OPRM1: variants seen among roughly 807,000 people sequenced by gnomAD.
OPRM1 encodes the protein opioid receptor mu 1.
In OPRM1, 27 loss-of-function variants were observed where a neutral mutation model predicts 31.8. The ratio of observed to expected loss-of-function variants is 0.85; its 90% confidence interval spans 0.63 to 1.17. The LOEUF is 1.17. Among genes scored for constraint, OPRM1 ranks in the 50% most tolerant of loss-of-function variants. The pLI is 0.00. For synonymous variants in OPRM1, 196 were observed against 189.9 expected (o/e 1.03, Z -0.26); for missense variants, 536 against 511.1 (o/e 1.05, Z -0.47).
chr6:154,202,332 C>T (rs1331722463), intron 3 of OPRM1, among the ~76,000 whole-genome samples: 2 of 152,080 alleles, frequency 1.3e-5, no homozygotes, highest in Non-Finnish European at 2.9e-5. Flanking sequence ...ACCAAGAGAT[C>T]AAAGACCTAT....
chr6:154,107,882 C>A (rs1795833326), intron 3 of OPRM1: 1 of 678,380 alleles, frequency 1.5e-6, no homozygotes, highest in Non-Finnish European at 2.7e-6. Flanking sequence ...ACAAAATACA[C>A]CAGCTTAAAA....
chr6:154,065,855 G>C (rs1195647150), intron 1 of OPRM1, among the ~76,000 whole-genome samples: 2 of 152,008 alleles, frequency 1.3e-5, no homozygotes, highest in Non-Finnish European at 2.9e-5. Flanking sequence ...CCTGATATTA[G>C]AGAAAAAGCT....
At chr6:154,242,330 T>C (rs1014315853) in intron 3 of OPRM1, among the ~76,000 whole-genome samples, 9 of 152,210 alleles carry the variant, frequency 5.9e-5, no homozygotes, top group African/African-American at 1.9e-4. Context: ...GGAAATCCTT[T>C]CCTGGAAAAC....
intron 1 of OPRM1, chr6:154,011,082 G>A: frequency 7.9e-7 from 1 of 1,264,950 alleles, no homozygotes; most frequent in Non-Finnish European, 1.0e-6. Context: ...GGAAGAGGAG[G>A]AGTAAGGGCT....
intron 3 of OPRM1, among the ~76,000 whole-genome samples, chr6:154,218,113 A>G (rs1778558549): frequency 6.6e-6 from 1 of 152,224 alleles, no homozygotes; most frequent in Non-Finnish European, 1.5e-5. Context: ...TGGCAGCAGG[A>G]AAACATCTAT....
At chr6:154,033,944 G>A (rs950766446) in intron 1 of OPRM1, among the ~76,000 whole-genome samples, 1 of 152,170 alleles carries the variant, frequency 6.6e-6, no homozygotes, top group Non-Finnish European at 1.5e-5. Context: ...AGCAGGAATC[G>A]AAACAGTGAC....
chr6:154,089,902 C>T lies in OPRM1; in HGVS notation c.367C>T (p.Leu123=), dbSNP rs763941243. The T allele has an allele frequency of 1.9e-6, 3 of 1,614,150 alleles. No individual in the cohort carries two copies. Among genetic ancestry groups the T allele is most frequent in the Non-Finnish European group, 2.5e-6 (3 of 1,180,020 alleles). The change falls in exon 2 of 4, where the codon CTG becomes TTG. Residue 123 remains leucine (L), a synonymous_variant. Transcript: ENST00000330432. ...GGCAGATGCCTTAGCCACCAGTACC[C>T]TGCCCTTCCAGAGTGTGAATTACCT... ...ALADALATST[L]PFQSVNYLMG...
chr6:154,177,829 C>T (rs1292761152), intron 3 of OPRM1, among the ~76,000 whole-genome samples: 1 of 152,176 alleles, frequency 6.6e-6, no homozygotes, highest in Non-Finnish European at 1.5e-5. Context: ...ACTATAAAGA[C>T]ACATGCACAC....
intron 1 of OPRM1, among the ~76,000 whole-genome samples, chr6:154,047,438 T>TTA (rs367591431): frequency 4.8e-5 from 7 of 146,508 alleles, no homozygotes; most frequent in African/African-American, 1.8e-4. Context: ...GTGGGCAAAA[T>TTA]TCTCTCTCTC....
chr6:154,110,384 A>C (rs1334859302), intron 3 of OPRM1: 1 of 1,503,216 alleles, frequency 6.7e-7, no homozygotes, highest in African/African-American at 1.4e-5. Flanking sequence ...AGTCATCTTT[A>C]CTCAACTGTG....
At position 154,109,790 on chromosome 6, in the gene OPRM1, C is replaced by CTGTG. The variant is rs1175778241; in HGVS notation, c.1165-8892_1165-8891insGTGT. ...TCCCTCTCTCTCTCTCTCTCTCTCT[C>CTGTG]TCTGTGTGTGTGTGTGTGTGTGTGT... is the stretch of plus-strand genomic sequence containing the variant. On this transcript the variant is annotated intron_variant, in intron 3 of 3. Coordinates refer to ENST00000330432, the MANE Select transcript of OPRM1 (RefSeq NM_000914.5). Among the ~76,000 whole-genome samples the CTGTG allele has an allele frequency of 6.1e-3, 468 of 77,000 alleles. 2 individuals are homozygous for CTGTG. Among genetic ancestry groups the CTGTG allele is most frequent in the African/African-American group, 0.019 (436 of 23,450 alleles). The allele number at this position is 77,000 out of a possible 152,430, so 50.5% of individuals were successfully genotyped here.
At chr6:154,065,272 C>A (rs1459603299) in intron 1 of OPRM1, among the ~76,000 whole-genome samples, 2 of 151,976 alleles carry the variant, frequency 1.3e-5, no homozygotes, top group African/African-American at 4.8e-5. Flanking sequence ...GCCTCACCCT[C>A]CCAAGTAGCT....
At chr6:154,196,410 A>C (rs1038078684) in intron 3 of OPRM1, among the ~76,000 whole-genome samples, 3 of 151,990 alleles carry the variant, frequency 2.0e-5, no homozygotes, top group Admixed American at 6.6e-5. Context: ...CTTCTTTAAC[A>C]ATGTTTTATT....
At chr6:154,152,849 C>T (rs1218336670) in intron 3 of OPRM1, among the ~76,000 whole-genome samples, 1 of 151,952 alleles carries the variant, frequency 6.6e-6, no homozygotes, top group African/African-American at 2.4e-5. Context: ...CCTGCCTCAG[C>T]CTCTCACGTA....
chr6:154,086,263 T>C (rs1405044497), intron 1 of OPRM1, among the ~76,000 whole-genome samples: 1 of 152,232 alleles, frequency 6.6e-6, no homozygotes, highest in Non-Finnish European at 1.5e-5. Context: ...AGAAGATCGT[T>C]GAGCCCCCTT....
At chr6:154,087,076 C>A (rs1041990788) in intron 1 of OPRM1, 14 of 984,254 alleles carry the variant, frequency 1.4e-5, no homozygotes, top group Non-Finnish European at 1.7e-5. Context: ...AGTTAAATGG[C>A]TCTATCTTTT....
chr6:154,245,606 A>G (rs78652300), intron 3 of OPRM1, among the ~76,000 whole-genome samples: 2,791 of 152,338 alleles, frequency 0.018, 40 homozygotes, highest in Middle Eastern at 0.075. Flanking sequence ...AATGACATGC[A>G]TGCCCACGTC....
chr6:154,091,561 A>G, intron 3 of OPRM1, 89 bp downstream of exon 3: 2 of 1,480,148 alleles, frequency 1.4e-6, no homozygotes, highest in Non-Finnish European at 1.8e-6. Flanking sequence ...AATCCATTAT[A>G]GAGGATGAGA....
In OPRM1 at chr6:154,030,619, A is replaced by T. The variant is rs578031877; in HGVS notation, c.1-8542A>T. ...CAAATTAATTTTTAGTACAAAAAAA[A>T]TTTTTTTGTATTTTCCCCTATAAGA... is the stretch of plus-strand genomic sequence containing the variant. On this transcript the variant is annotated intron_variant, in intron 1 of 5. Coordinates refer to the OPRM1 transcript ENST00000434900. Among the ~76,000 whole-genome samples the T allele has an allele frequency of 3.5e-4, 53 of 152,214 alleles. No individual in the cohort carries two copies. In the East Asian group the frequency reaches 4.0e-3, roughly 12 times the overall value.
Sources: gnomAD v4.1 joint callset for allele counts (sites outside exome capture counted in the v4.1 genomes callset) on GRCh38, gnomAD v4.1.1 for gene constraint, MANE v1.5 for transcripts, NCBI Gene and HGNC (gene_info 2026-07-23, HGNC 2026-07-21) for gene names.